The following RIMKLA variants were observed in gnomAD, a reference collection of about 807,000 sequenced individuals.
RIMKLA encodes ribosomal modification protein rimK like family member A, also known as N-acetylaspartylglutamate synthase A.
A neutral mutation model predicts 32.7 loss-of-function variants in RIMKLA; 14 were observed. That is an observed-to-expected ratio of 0.43 (90% CI 0.28 to 0.67). The LOEUF is 0.67. Among genes scored for constraint, RIMKLA ranks in the 30% least tolerant of loss-of-function variants. The pLI, the probability that RIMKLA is intolerant of heterozygous loss-of-function variation, is 0.18. For synonymous variants in RIMKLA, 176 were observed against 204.1 expected (o/e 0.86, Z 1.18); for missense variants, 410 against 519.0 (o/e 0.79, Z 2.04).
At chr1:42,404,725 C>A in intron 3 of RIMKLA, 128 bp downstream of exon 3, 1 of 625,450 alleles carries the variant, frequency 1.6e-6, no homozygotes, top group South Asian at 1.9e-5. Context: ...TGCAGTGTTT[C>A]TTTCTCTTTG....
chr1:42,414,579 C>G lies in RIMKLA; in HGVS notation c.781C>G (p.Leu261Val). The change falls in exon 5 of 5, where the codon CTC becomes GTC. Residue 261 changes from leucine to valine, a missense_variant. Coordinates refer to ENST00000431473, the MANE Select transcript of RIMKLA (RefSeq NM_173642.4). ...AGGCATGGACTTCTGTGGCATTGAT[C>G]TCCTTATCATGGACGATGGCTCCTT... is the stretch of plus-strand genomic sequence containing the variant. ...ILGMDFCGID[L>V]LIMDDGSFVV... is the part of the protein sequence containing the mutation. 1 of 1,614,226 alleles carries G rather than the reference C, an allele frequency of 6.2e-7. No individual in the cohort carries two copies. The highest frequency in any genetic ancestry group is 8.5e-7 in the Non-Finnish European group (1 of 1,180,036).
At chr1:42,385,883 T>TTTCCTTCTTTCCTTCTTTCC (rs1273695154) in intron 1 of RIMKLA, among the ~76,000 whole-genome samples, 1 of 90,154 alleles carries the variant, frequency 1.1e-5, no homozygotes, top group African/African-American at 4.3e-5. Context: ...TCTTTCTTTC[T>TTTCCTTCTTTCCTTCTTTCC]TTCTTTCTTT....
At chr1:42,393,465 T>C (rs1188744204) in intron 1 of RIMKLA, among the ~76,000 whole-genome samples, 1 of 152,100 alleles carries the variant, frequency 6.6e-6, no homozygotes, top group East Asian at 1.9e-4. Flanking sequence ...TCAATAAGTG[T>C]TGAATTGAAT....
intron 2 of RIMKLA, 55 bp from the exon 3 acceptor site, chr1:42,404,456 G>T: frequency 1.7e-6 from 2 of 1,204,952 alleles, no homozygotes; most frequent in South Asian, 2.4e-5. Flanking sequence ...GGGCTGGGGT[G>T]ACCGCTACCT....
At chr1:42,386,823 T>C (rs1466345352) in intron 1 of RIMKLA, among the ~76,000 whole-genome samples, 2 of 151,510 alleles carry the variant, frequency 1.3e-5, no homozygotes, top group Non-Finnish European at 2.9e-5. Context: ...AAGTGGAGGT[T>C]GCAGTGAGCT....
At chr1:42,393,620 TTAAAAA>T (rs1031190169) in intron 1 of RIMKLA, among the ~76,000 whole-genome samples, 20 of 124,692 alleles carry the variant, frequency 1.6e-4, no homozygotes, top group African/African-American at 5.0e-4. Context: ...CATCTACTTG[TTAAAAA>T]TAAAAATAAC....
At position 42,421,161 on chromosome 1, in the gene RIMKLA, A is replaced by G. The variant is rs1222464175; in HGVS notation, c.*6187A>G. 6.6e-6 allele frequency: 1 copy of G among 152,270 alleles called. No individual in the cohort carries two copies. The highest frequency in any genetic ancestry group is 2.4e-5 in the African/African-American group (1 of 41,472). 9.4% of individuals were successfully genotyped at this position (152,270 alleles called of 1,614,324 possible). ...TTTTATGACGCTATGTGCAAGATCT[A>G]GCGAACGTATTTGGCTAAGAAAAAT... On this transcript the variant is annotated 3_prime_UTR_variant, in exon 5 of 5. Coordinates refer to ENST00000431473, the MANE Select transcript of RIMKLA (RefSeq NM_173642.4). The surrounding 1 kb of genome is among the most constrained non-coding windows in gnomAD (Gnocchi z 4.6).
intron 3 of RIMKLA, among the ~76,000 whole-genome samples, chr1:42,408,272 G>C (rs1476291668): frequency 1.3e-5 from 2 of 152,144 alleles, no homozygotes; most frequent in Non-Finnish European, 2.9e-5. Context: ...CACCTGCCAT[G>C]TGGACATCTT....
At chr1:42,381,905 G>A (rs1642892768) in intron 1 of RIMKLA, among the ~76,000 whole-genome samples, 1 of 152,164 alleles carries the variant, frequency 6.6e-6, no homozygotes, top group South Asian at 2.1e-4. Flanking sequence ...TGCTGTTTGA[G>A]TGTCTCTGGG....
intron 1 of RIMKLA, among the ~76,000 whole-genome samples, chr1:42,390,216 C>T (rs917514587): frequency 1.3e-5 from 2 of 151,876 alleles, no homozygotes; most frequent in Non-Finnish European, 2.9e-5. Flanking sequence ...TTCTGTATTT[C>T]TAGTAGAGAT....
At chr1:42,386,555 T>A (rs116190868) in intron 1 of RIMKLA, among the ~76,000 whole-genome samples, 5,850 of 149,226 alleles carry the variant, frequency 0.039, 412 homozygotes, top group African/African-American at 0.14. Flanking sequence ...TTCTGAAAAA[T>A]TTTTTATAGA....
chr1:42,387,209 C>G (rs1245520334), intron 1 of RIMKLA, among the ~76,000 whole-genome samples: 4 of 152,014 alleles, frequency 2.6e-5, no homozygotes, highest in African/African-American at 7.3e-5. Flanking sequence ...CCACTGCCCT[C>G]CAGCCTGGGT....
chr1:42,390,747 A>T (rs1473350455), intron 1 of RIMKLA, among the ~76,000 whole-genome samples: 1 of 152,250 alleles, frequency 6.6e-6, no homozygotes, highest in Non-Finnish European at 1.5e-5. Context: ...GACTAGGGAC[A>T]TATAATGATT....
rs1274350660 is a variant in RIMKLA at position 42,385,890 on chromosome 1, CT to C, written c.163+4796del. ...TCTTTCTTTCTTTCTTTCTTTCTTT[CT>C]TTCTTTCCTTCTTTCCTTCTTTCCT... On this transcript the variant is annotated intron_variant, in intron 1 of 4. Transcript: ENST00000431473. 3.6e-3 allele frequency among the ~76,000 whole-genome samples: 342 copies of C among 95,188 alleles called. 3 individuals carry two copies. The highest frequency in any genetic ancestry group is 0.012 in the African/African-American group (307 of 25,842). 62.4% of individuals were successfully genotyped at this position (95,188 alleles called of 152,430 possible).
intron 1 of RIMKLA, among the ~76,000 whole-genome samples, chr1:42,393,169 A>C (rs184195397): frequency 6.6e-6 from 1 of 151,738 alleles, no homozygotes; most frequent in African/African-American, 2.4e-5. Flanking sequence ...GCCCCTCCCA[A>C]CATTTCCTGA....
chr1:42,414,750 T>C lies in RIMKLA; in HGVS notation c.952T>C (p.Ser318Pro), dbSNP rs1424986937. The change falls in exon 5 of 5, where the codon TCG (serine) becomes CCG (proline). Residue 318 changes from serine to proline, a missense_variant. Transcript: ENST00000431473. ...TGKMAVLPGL[S>P]SPREKNEPDG... ...AAAGATGGCTGTCCTCCCAGGACTG[T>C]CGAGTCCAAGGGAGAAGAACGAGCC... 9.3e-6 allele frequency: 15 copies of C among 1,614,176 alleles called. No homozygotes were observed. The highest frequency in any genetic ancestry group is 1.3e-5 in the African/African-American group (1 of 75,042).
chr1:42,395,465 C>T (rs1643035431), intron 1 of RIMKLA, among the ~76,000 whole-genome samples: 1 of 151,908 alleles, frequency 6.6e-6, no homozygotes, highest in Non-Finnish European at 1.5e-5. Flanking sequence ...GCTGCCTCTC[C>T]CTCTCCCCAA....
At chr1:42,404,340 A>C (rs991133576) in intron 2 of RIMKLA, among the ~76,000 whole-genome samples, 171 bp from the exon 3 acceptor site, 1 of 151,986 alleles carries the variant, frequency 6.6e-6, no homozygotes, top group African/African-American at 2.4e-5. Context: ...CTCTGCTCCC[A>C]CCTTTTACCT....
chr1:42,406,681 G>C (rs1165864743), intron 3 of RIMKLA, among the ~76,000 whole-genome samples: 1 of 147,740 alleles, frequency 6.8e-6, no homozygotes, highest in African/African-American at 2.5e-5. Flanking sequence ...CTTGTTATTT[G>C]TTATGTAAGT....
Sources: gnomAD v4.1 joint callset for allele counts (sites outside exome capture counted in the v4.1 genomes callset) on GRCh38, gnomAD v4.1.1 for gene constraint, Gnocchi (gnomAD v3.1) non-coding constraint, MANE v1.5 for transcripts, NCBI Gene and HGNC (gene_info 2026-07-23, HGNC 2026-07-21) for gene names.